CYP2J2: variants seen among roughly 807,000 people sequenced by gnomAD.
CYP2J2 encodes the protein cytochrome P450 2J2.
In CYP2J2, 41 loss-of-function variants were observed where a neutral mutation model predicts 48.8. The ratio of observed to expected loss-of-function variants is 0.84; its 90% CI spans 0.66 to 1.09. CYP2J2 has a LOEUF of 1.09. CYP2J2 is among the 50% of genes least tolerant of loss of function. CYP2J2 has a pLI of 0.00. For synonymous variants in CYP2J2, 221 were observed against 227.1 expected, an observed-to-expected ratio of 0.97 and a Z score of 0.24; for missense variants, 644 against 617.3, an observed-to-expected ratio of 1.04 and a Z score of -0.46.
the CYP2J2 span, among the ~76,000 whole-genome samples, chr1:59,957,173 C>G: frequency 5.8e-4 from 88 of 152,152 alleles, no homozygotes; most frequent in Middle Eastern, 3.4e-3. Context: ...ATTTGTTCAA[C>G]GCAATGATAG....
the CYP2J2 span, among the ~76,000 whole-genome samples, chr1:59,959,175 C>T: frequency 1.3e-5 from 2 of 152,156 alleles, no homozygotes; most frequent in African/African-American, 2.4e-5. Flanking sequence ...CTTAAGTGCA[C>T]AAGCATGCCT....
chr1:59,951,834 T>C, the CYP2J2 span, among the ~76,000 whole-genome samples: 2 of 152,312 alleles, frequency 1.3e-5, no homozygotes, highest in Non-Finnish European at 2.9e-5. Context: ...ACCATATCTT[T>C]GGCTCAGCTT....
chr1:59,895,873 G>A (rs1264139818), intron 8 of CYP2J2, among the ~76,000 whole-genome samples: 2 of 152,072 alleles, frequency 1.3e-5, no homozygotes, highest in African/African-American at 4.8e-5. Flanking sequence ...CTTTACTAAG[G>A]GAAATGCTTG....
At chr1:59,935,144 G>A in the CYP2J2 span, among the ~76,000 whole-genome samples, 1,214 of 149,190 alleles carry the variant, frequency 8.1e-3, 21 homozygotes, top group African/African-American at 0.029. Flanking sequence ...GCTAAATGAA[G>A]TAAGCCAGCT....
At chr1:59,901,490 C>T (rs1029773641) in intron 7 of CYP2J2, among the ~76,000 whole-genome samples, 10 of 152,182 alleles carry the variant, frequency 6.6e-5, no homozygotes, top group South Asian at 2.1e-4. Flanking sequence ...GAAGCTATAA[C>T]GATGGCAGCT....
the CYP2J2 span, among the ~76,000 whole-genome samples, chr1:59,940,276 T>C: frequency 1.3e-5 from 2 of 152,176 alleles, no homozygotes; most frequent in Non-Finnish European, 2.9e-5. Context: ...CAAGGACTCT[T>C]CAGTTAGCAA....
chr1:59,917,785 C>T (rs1333513506), intron 1 of CYP2J2, among the ~76,000 whole-genome samples: 1 of 152,194 alleles, frequency 6.6e-6, no homozygotes, highest in Non-Finnish European at 1.5e-5. Flanking sequence ...CTGCCCCTGC[C>T]TTTTTTCTGC....
At chr1:59,963,907 CTG>C in the CYP2J2 span, among the ~76,000 whole-genome samples, 4 of 152,094 alleles carry the variant, frequency 2.6e-5, no homozygotes, top group South Asian at 2.1e-4. Flanking sequence ...CTGTTATACT[CTG>C]TGAGTAAAAA....
chr1:59,948,419 CAACATA>C, the CYP2J2 span, among the ~76,000 whole-genome samples: 2 of 152,074 alleles, frequency 1.3e-5, no homozygotes, highest in African/African-American at 2.4e-5. Flanking sequence ...CATGCACCAA[CAACATA>C]AACTTATTTA....
chr1:59,928,049 G>A (rs1644583647), upstream of CYP2J2, among the ~76,000 whole-genome samples: 1 of 152,118 alleles, frequency 6.6e-6, no homozygotes, highest in African/African-American at 2.4e-5. Context: ...TCAGTATTAT[G>A]TGTTTGAGAT....
intron 1 of CYP2J2, among the ~76,000 whole-genome samples, chr1:59,917,278 G>A (rs979910714): frequency 2.0e-5 from 3 of 152,158 alleles, no homozygotes; most frequent in Non-Finnish European, 2.9e-5. Flanking sequence ...GCAGAGGGCC[G>A]TGGATGCATT....
the CYP2J2 span, among the ~76,000 whole-genome samples, chr1:59,946,767 TAAC>T: frequency 6.6e-6 from 1 of 152,160 alleles, no homozygotes; most frequent in Non-Finnish European, 1.5e-5. Context: ...AGTTTACACA[TAAC>T]AAAATAACTT....
the CYP2J2 span, among the ~76,000 whole-genome samples, chr1:59,934,382 G>A: frequency 6.6e-6 from 1 of 152,130 alleles, no homozygotes; most frequent in Non-Finnish European, 1.5e-5. Context: ...ACATACAAGT[G>A]AGAATATCAA....
intron 8 of CYP2J2, among the ~76,000 whole-genome samples, chr1:59,897,225 T>TA (rs1035125521): frequency 7.9e-5 from 12 of 152,224 alleles, no homozygotes; most frequent in Non-Finnish European, 1.5e-4. Context: ...CAGTTTATTG[T>TA]AAATACCCAA....
At chr1:59,936,408 C>T in the CYP2J2 span, among the ~76,000 whole-genome samples, 25 of 152,250 alleles carry the variant, frequency 1.6e-4, 1 homozygote, top group Non-Finnish European at 4.4e-5. Flanking sequence ...TCCCAAAACT[C>T]CATAATCATG....
In CYP2J2 at chr1:59,909,848, CTG is replaced by C; in HGVS notation, c.795_796del (p.His265GlnfsTer14). Reference sequence around the variant, plus strand: ...TGTTTCTGCAGGATTCCAATCCTTTCTGTGTTTGTCAATCATATGAGAAACAA... The same window carrying C: ...TGTTTCTGCAGGATTCCAATCCTTTCTGTTTGTCAATCATATGAGAAACAA... On this transcript the variant is annotated frameshift_variant, in exon 5 of 9. Coordinates refer to ENST00000371204, the MANE Select transcript of CYP2J2 (RefSeq NM_000775.4). LOFTEE classifies it high-confidence loss of function. 6.2e-7 allele frequency: 1 copy of C among 1,611,194 alleles called. No individual in the cohort carries two copies. Among genetic ancestry groups the C allele is most frequent in the Non-Finnish European group, 8.5e-7 (1 of 1,179,006 alleles).
At position 59,901,099 on chromosome 1, in the gene CYP2J2, G is replaced by A. The variant is rs1467481501; in HGVS notation, c.1196C>T (p.Thr399Ile). Residue 399 changes from threonine (T) to isoleucine (I), a missense_variant, in exon 8 of 9, where the codon ACC (threonine) becomes ATC (isoleucine). Transcript: ENST00000371204. ...TLAGYHLPKG[T>I]MILTNLTALH... ...CGCCGTCAAATTGGTCAGGATCATG[G>A]TACCCTAGAGAAAGCAGCAGAGACT... 6.2e-7 allele frequency: 1 copy of A among 1,612,622 alleles called. No individual in the cohort carries two copies. Among genetic ancestry groups the A allele is most frequent in the Non-Finnish European group, 8.5e-7 (1 of 1,178,752 alleles).
intron 8 of CYP2J2, among the ~76,000 whole-genome samples, chr1:59,898,930 A>G (rs1010294086): frequency 6.6e-6 from 1 of 152,260 alleles, no homozygotes; most frequent in Non-Finnish European, 1.5e-5. Flanking sequence ...TTTTAAAAAG[A>G]CTACTGCTAA....
At chr1:59,919,540 T>C (rs1483292997) in intron 1 of CYP2J2, among the ~76,000 whole-genome samples, 1 of 152,226 alleles carries the variant, frequency 6.6e-6, no homozygotes, top group East Asian at 1.9e-4. Flanking sequence ...ACTGTGTATG[T>C]ATTGTTGCCT....
Sources: allele counts gnomAD v4.1 joint callset (sites outside exome capture counted in the v4.1 genomes callset), GRCh38; gene constraint gnomAD v4.1.1; transcripts MANE v1.5; gene names NCBI Gene and HGNC (gene_info 2026-07-23, HGNC 2026-07-21).